PDE4D: variants seen among roughly 807,000 people sequenced by gnomAD.
PDE4D encodes the protein 3',5'-cyclic-AMP phosphodiesterase 4D.
A neutral mutation model predicts 87.4 loss-of-function variants in PDE4D; 24 were observed. The ratio of observed to expected loss-of-function variants is 0.27; its 90% CI spans 0.20 to 0.39. The LOEUF (loss-of-function observed/expected upper bound fraction) is 0.39. Among genes scored for constraint, PDE4D ranks in the 10% least tolerant of loss-of-function variants. The pLI is 1.00. For synonymous variants in PDE4D, 384 were observed against 383.2 expected (o/e 1.00, Z -0.02); for missense variants, 714 against 1,041.0 (o/e 0.69, Z 4.32).
intron 3 of PDE4D, among the ~76,000 whole-genome samples, chr5:59,907,570 A>C (rs971696607): frequency 1.2e-4 from 19 of 152,306 alleles, no homozygotes; most frequent in African/African-American, 9.6e-5. Flanking sequence ...ACAAACCTGC[A>C]CATGTACCCC....
At chr5:59,968,295 A>G (rs969592049) in intron 3 of PDE4D, among the ~76,000 whole-genome samples, 5 of 152,034 alleles carry the variant, frequency 3.3e-5, no homozygotes, top group African/African-American at 1.2e-4. Flanking sequence ...ACTGGGTGCC[A>G]TATTCTTAAG....
upstream of PDE4D, among the ~76,000 whole-genome samples, chr5:59,894,548 C>T (rs1394954908): frequency 6.6e-6 from 1 of 152,142 alleles, no homozygotes; most frequent in Non-Finnish European, 1.5e-5. Flanking sequence ...GAGTGGTCCT[C>T]GCTGGAAATC....
chr5:59,817,474 C>T (rs889128600), intron 1 of PDE4D, among the ~76,000 whole-genome samples: 17 of 152,070 alleles, frequency 1.1e-4, no homozygotes, highest in Admixed American at 3.3e-4. Flanking sequence ...GCTGGGTCAC[C>T]ACTATGGACT....
At chr5:59,383,957 C>G (rs62358055) in intron 1 of PDE4D, among the ~76,000 whole-genome samples, 5 of 152,232 alleles carry the variant, frequency 3.3e-5, no homozygotes, top group African/African-American at 1.2e-4. Context: ...GGTGCAAACA[C>G]GGCTCACTGC....
At chr5:60,448,208 T>C (rs1327850408) in intron 1 of PDE4D, among the ~76,000 whole-genome samples, 1 of 152,164 alleles carries the variant, frequency 6.6e-6, no homozygotes, top group Non-Finnish European at 1.5e-5. Flanking sequence ...TTTTCATTGA[T>C]GATAAAGGCA....
intron 1 of PDE4D, among the ~76,000 whole-genome samples, chr5:59,304,681 T>C (rs255653): frequency 0.16 from 23,784 of 152,178 alleles, 2,587 homozygotes; most frequent in East Asian, 0.45. Context: ...TAATTCTGTT[T>C]ATGTGGTGTA....
In PDE4D at chr5:58,975,201, G is replaced by C; in HGVS notation, c.2014-121C>G. 1.8e-6 allele frequency: 1 copy of C among 546,634 alleles called. No homozygotes were observed. The highest frequency in any genetic ancestry group is 3.0e-6 in the Non-Finnish European group (1 of 334,024). 33.9% of individuals were successfully genotyped at this position (546,634 alleles called of 1,614,324 possible). The stretch of plus-strand genomic sequence containing the variant: ...ACAGAAGACTACTAAACTTAGTTTG[G>C]TAAAATTGTCACTATTTTCAACAAC... On this transcript the variant is annotated intron_variant, in intron 14 of 14. Coordinates refer to ENST00000340635, the MANE Select transcript of PDE4D (RefSeq NM_001104631.2). This position sits in a 1 kb window ranked among gnomAD's most constrained non-coding sequence, Gnocchi z 4.2.
At chr5:59,351,104 A>G (rs1228309110) in intron 1 of PDE4D, among the ~76,000 whole-genome samples, 1 of 152,224 alleles carries the variant, frequency 6.6e-6, no homozygotes, top group Non-Finnish European at 1.5e-5. Context: ...GCTATGAAAG[A>G]GTTGGCAGGT....
At chr5:59,668,272 G>A (rs1208214155) in intron 1 of PDE4D, among the ~76,000 whole-genome samples, 1 of 152,194 alleles carries the variant, frequency 6.6e-6, no homozygotes, top group African/African-American at 2.4e-5. Flanking sequence ...AAAAGCAAGA[G>A]TAAAAGCTAA....
At chr5:60,255,154 C>T (rs1371840516) in intron 1 of PDE4D, among the ~76,000 whole-genome samples, 1 of 151,876 alleles carries the variant, frequency 6.6e-6, no homozygotes, top group Non-Finnish European at 1.5e-5. Flanking sequence ...ACCCATTCAG[C>T]TGAGATTAGA....
intron 5 of PDE4D, among the ~76,000 whole-genome samples, chr5:59,100,737 A>T (rs1046099853): frequency 2.0e-5 from 3 of 152,162 alleles, no homozygotes; most frequent in Non-Finnish European, 2.9e-5. Context: ...GTCTCATTTG[A>T]TTCTAGATCC....
intron 1 of PDE4D, among the ~76,000 whole-genome samples, chr5:59,664,575 C>T (rs1291773606): frequency 6.6e-6 from 1 of 152,040 alleles, no homozygotes; most frequent in East Asian, 1.9e-4. Flanking sequence ...CTCATTCCTG[C>T]CATAATGGTT....
At chr5:59,053,306 A>T (rs1484155071) in intron 5 of PDE4D, among the ~76,000 whole-genome samples, 1 of 151,910 alleles carries the variant, frequency 6.6e-6, no homozygotes, top group Non-Finnish European at 1.5e-5. Context: ...TTGATAAAAG[A>T]AAAACAATTG....
At chr5:59,076,084 C>T (rs1368143099) in intron 5 of PDE4D, among the ~76,000 whole-genome samples, 2 of 152,110 alleles carry the variant, frequency 1.3e-5, no homozygotes, top group African/African-American at 2.4e-5. Context: ...CAAAAGAATA[C>T]TATAGTTTCC....
chr5:59,260,264 A>G (rs1252221344), intron 1 of PDE4D, among the ~76,000 whole-genome samples: 3 of 151,848 alleles, frequency 2.0e-5, no homozygotes, highest in African/African-American at 7.2e-5. Flanking sequence ...GTATTCAATT[A>G]AGACTTGCCT....
Position 60,346,794 on chromosome 5 carries a change from G to T in PDE4D, c.-90+141148C>A, listed in dbSNP as rs189377136. On this transcript the variant is annotated intron_variant, in intron 1 of 16. Coordinates refer to the PDE4D transcript ENST00000502484. ...TTCATGATTTTGATTCCTTAGTAAA[G>T]CATTGTTTTTCAATGCTAATTAAGT... Among the ~76,000 whole-genome samples, 319 of 152,216 alleles carry T rather than the reference G, an allele frequency of 2.1e-3. 2 individuals carry two copies. Among genetic ancestry groups the T allele is most frequent in the African/African-American group, 7.4e-3 (306 of 41,532 alleles).
intron 1 of PDE4D, among the ~76,000 whole-genome samples, chr5:60,485,051 T>C (rs1282550234): frequency 6.6e-6 from 1 of 152,150 alleles, no homozygotes; most frequent in East Asian, 1.9e-4. Context: ...AAATCAGATA[T>C]TAGAGGAACA....
At chr5:59,695,653 G>A (rs1751666198) in intron 1 of PDE4D, among the ~76,000 whole-genome samples, 1 of 152,118 alleles carries the variant, frequency 6.6e-6, no homozygotes, top group African/African-American at 2.4e-5. Context: ...CCAGGCTGAA[G>A]TGCAGTGGTA....
At chr5:60,212,430 G>A (rs1163271845) in intron 1 of PDE4D, among the ~76,000 whole-genome samples, 1 of 152,200 alleles carries the variant, frequency 6.6e-6, no homozygotes, top group Non-Finnish European at 1.5e-5. Context: ...AGTGATTGGT[G>A]CAGTGAAAGG....
Sources: allele counts gnomAD v4.1 joint callset (sites outside exome capture counted in the v4.1 genomes callset), GRCh38; gene constraint gnomAD v4.1.1; non-coding constraint Gnocchi (gnomAD v3.1); transcripts MANE v1.5; gene names NCBI Gene and HGNC (gene_info 2026-07-23, HGNC 2026-07-21).